Variants in ZNRF1 observed in about 807,000 individuals in gnomAD.
ZNRF1 encodes the protein zinc and ring finger 1.
A neutral mutation model predicts 18.4 loss-of-function variants in ZNRF1; 3 were observed. The observed-to-expected ratio is 0.16, with a 90% CI of 0.07 to 0.42. ZNRF1 has a LOEUF of 0.42. ZNRF1 is among the 10% of genes least tolerant of loss of function. The probability of loss-of-function intolerance (pLI) is 0.99; values close to 1 mark genes in which losing one functional copy is unlikely to be tolerated. For synonymous variants in ZNRF1, 157 were observed against 144.2 expected (o/e 1.09, Z -0.64); for missense variants, 310 against 329.8 (o/e 0.94, Z 0.47).
chr16:75,087,770 C>T (rs1256250486), intron 1 of ZNRF1, among the ~76,000 whole-genome samples: 1 of 152,234 alleles, frequency 6.6e-6, no homozygotes. Flanking sequence ...AGATGATTGC[C>T]TACGGTGAAC....
At chr16:75,070,853 T>A (rs556079942) in intron 1 of ZNRF1, among the ~76,000 whole-genome samples, 2 of 152,184 alleles carry the variant, frequency 1.3e-5, no homozygotes, top group South Asian at 4.1e-4. Flanking sequence ...TTGTGTAGGG[T>A]TGTAGAGTTT....
Position 74,999,928 on chromosome 16 carries a change from CCGG to C in ZNRF1, c.264_266del (p.Gly90del), listed in dbSNP as rs1296301930. The C allele has an allele frequency of 2.0e-5, 31 of 1,561,170 alleles. No homozygotes were observed. Among genetic ancestry groups the C allele is most frequent in the Non-Finnish European group, 2.6e-5 (30 of 1,154,668 alleles). Reference sequence around the variant, plus strand: ...GGCACCGGCGACTCCGAGAGGGCGCCCGGCGGCGGAGGGTCTGCGTCCGACTCC... The same window carrying C: ...GGCACCGGCGACTCCGAGAGGGCGCCCGGCGGAGGGTCTGCGTCCGACTCC... On this transcript the variant is annotated inframe_deletion, in exon 1 of 5. Coordinates refer to ENST00000335325, the MANE Select transcript of ZNRF1 (RefSeq NM_032268.5).
intron 1 of ZNRF1, among the ~76,000 whole-genome samples, chr16:75,022,187 G>A (rs947437613): frequency 1.2e-4 from 18 of 152,232 alleles, no homozygotes; most frequent in African/African-American, 3.1e-4. Context: ...CCCAGGAGGC[G>A]GAGGTTGCAG....
At chr16:75,071,408 C>G (rs1367044548) in intron 1 of ZNRF1, among the ~76,000 whole-genome samples, 2 of 152,166 alleles carry the variant, frequency 1.3e-5, no homozygotes, top group Non-Finnish European at 2.9e-5. Flanking sequence ...CTTTTGATGG[C>G]TCATTCCCTC....
At position 75,010,714 on chromosome 16, in the gene ZNRF1, TTTTTG is replaced by T. The variant is rs1171784064; in HGVS notation, c.424+10624_424+10628del. Among the ~76,000 whole-genome samples, 125 of 118,420 alleles carry T rather than the reference TTTTTG, an allele frequency of 1.1e-3. 1 individual carries two copies. The highest frequency in any genetic ancestry group is 1.6e-3 in the Non-Finnish European group (93 of 58,252). 77.7% of individuals were successfully genotyped at this position (118,420 alleles called of 152,430 possible). A position where few individuals can be genotyped will look rare whatever the true frequency, so the allele number is the denominator to read the frequency against. Reference sequence around the variant, plus strand: ...CTGTACTGTACTGTTTTTTTTTGTTTTTTTGTTTTTTTTTTTTTGAGGAGTCTCGC... The same window carrying T: ...CTGTACTGTACTGTTTTTTTTTGTTTTTTTTTTTTTTTTGAGGAGTCTCGC... On this transcript the variant is annotated intron_variant, in intron 1 of 4. Coordinates refer to ENST00000335325, the MANE Select transcript of ZNRF1 (RefSeq NM_032268.5).
At chr16:75,077,950 G>C (rs2035962531) in intron 1 of ZNRF1, among the ~76,000 whole-genome samples, 1 of 152,196 alleles carries the variant, frequency 6.6e-6, no homozygotes, top group Admixed American at 6.5e-5. Context: ...ATAAGGTTCT[G>C]TATTCATCAC....
intron 2 of ZNRF1, among the ~76,000 whole-genome samples, chr16:75,100,311 C>T (rs1469610144): frequency 6.6e-6 from 1 of 152,234 alleles, no homozygotes; most frequent in Non-Finnish European, 1.5e-5. Flanking sequence ...CTCTAACCTT[C>T]CTCTGCTCAA....
chr16:75,060,287 T>C (rs1476877635), intron 1 of ZNRF1, among the ~76,000 whole-genome samples: 1 of 151,992 alleles, frequency 6.6e-6, no homozygotes, highest in Non-Finnish European at 1.5e-5. Flanking sequence ...CTCCTGACGT[T>C]GTGATCCGCC....
chr16:75,027,919 A>G (rs1014197397), intron 1 of ZNRF1, among the ~76,000 whole-genome samples: 2 of 152,098 alleles, frequency 1.3e-5, no homozygotes, highest in African/African-American at 4.8e-5. Context: ...CCTCTCTTTT[A>G]AAAACACCTT....
chr16:75,099,797 G>A (rs527607463), intron 2 of ZNRF1, among the ~76,000 whole-genome samples: 4 of 152,270 alleles, frequency 2.6e-5, no homozygotes, highest in East Asian at 1.9e-4. Context: ...TTTCTCTGAC[G>A]GCAGGCAGCA....
intron 1 of ZNRF1, among the ~76,000 whole-genome samples, chr16:75,016,614 C>A (rs1475933980): frequency 6.6e-6 from 1 of 151,814 alleles, no homozygotes; most frequent in African/African-American, 2.4e-5. Flanking sequence ...CGACTGACTG[C>A]AACGTCTGCC....
rs2035484047 is a variant in ZNRF1, at chr16:75,044,067, C to A, written c.424+43972C>A. On this transcript the variant is annotated intron_variant, in intron 1 of 4. Transcript: ENST00000335325. ...ACCTCAGGTGATCCACCCGCCTCAG[C>A]CTCCCAAAGTGCTGGGAATACAGGT... Among the ~76,000 whole-genome samples the A allele has an allele frequency of 2.6e-5, 4 of 152,008 alleles. No homozygotes were observed. In the South Asian group the frequency reaches 8.3e-4, roughly 32 times the overall value.
chr16:75,004,593 A>G (rs139036851), intron 1 of ZNRF1, among the ~76,000 whole-genome samples: 2 of 152,284 alleles, frequency 1.3e-5, no homozygotes, highest in South Asian at 2.1e-4. Context: ...AGACTGATAC[A>G]AGGTGATTGT....
At chr16:75,013,491 T>A (rs1305100105) in intron 1 of ZNRF1, among the ~76,000 whole-genome samples, 1 of 151,366 alleles carries the variant, frequency 6.6e-6, no homozygotes, top group Non-Finnish European at 1.5e-5. Flanking sequence ...GGACTGCAGG[T>A]GCATGCCACC....
At chr16:75,101,545 A>G (rs76900060) in intron 2 of ZNRF1, among the ~76,000 whole-genome samples, 1 of 148,702 alleles carries the variant, frequency 6.7e-6, no homozygotes, top group Admixed American at 6.7e-5. Flanking sequence ...ACTCCATGTC[A>G]AAAAAAAAAG....
chr16:75,037,299 A>T (rs1326441834), intron 1 of ZNRF1, among the ~76,000 whole-genome samples: 2 of 152,058 alleles, frequency 1.3e-5, no homozygotes, highest in Non-Finnish European at 2.9e-5. Flanking sequence ...GCAGCCGGGA[A>T]GTACTCAGTT....
intron 1 of ZNRF1, among the ~76,000 whole-genome samples, chr16:75,068,533 A>T (rs1418869827): frequency 6.6e-6 from 1 of 151,974 alleles, no homozygotes; most frequent in Non-Finnish European, 1.5e-5. Context: ...TGTCTACTTG[A>T]TTGGTTTTGC....
At chr16:75,051,872 CCTTT>C (rs1195923972) in intron 1 of ZNRF1, among the ~76,000 whole-genome samples, 1 of 152,192 alleles carries the variant, frequency 6.6e-6, no homozygotes, top group Non-Finnish European at 1.5e-5. Flanking sequence ...TCTATCCACT[CCTTT>C]ATTTATCTAT....
chr16:75,091,871 T>C (rs1567492907), intron 1 of ZNRF1, among the ~76,000 whole-genome samples: 1 of 152,116 alleles, frequency 6.6e-6, no homozygotes, highest in Non-Finnish European at 1.5e-5. Context: ...ACAACTTAAC[T>C]ACTAATAGCC....
Sources: allele counts gnomAD v4.1 joint callset (sites outside exome capture counted in the v4.1 genomes callset), GRCh38; gene constraint gnomAD v4.1.1; transcripts MANE v1.5; gene names NCBI Gene and HGNC (gene_info 2026-07-23, HGNC 2026-07-21).